The following GRIK2 variants were observed in gnomAD, a reference collection of about 807,000 sequenced individuals.
GRIK2 encodes glutamate receptor ionotropic, kainate 2.
In GRIK2, 32 loss-of-function variants were observed where a neutral mutation model predicts 100.3. That is an observed-to-expected ratio of 0.32 (90% CI 0.24 to 0.43). GRIK2 has a LOEUF of 0.43. GRIK2 is among the 20% of genes least tolerant of loss of function. The pLI, the probability that GRIK2 is intolerant of heterozygous loss-of-function variation, is 1.00. For missense variants in GRIK2, 843 were observed against 1,114.9 expected (o/e 0.76, Z 3.47); for synonymous variants, 417 against 389.4 (o/e 1.07, Z -0.83).
intron 2 of GRIK2, among the ~76,000 whole-genome samples, chr6:101,565,681 C>A (rs950711891): frequency 6.6e-6 from 1 of 151,580 alleles, no homozygotes; most frequent in Non-Finnish European, 1.5e-5. Context: ...TCAAATTCTA[C>A]CTGTGTCAGA....
At chr6:101,801,078 C>T (rs1438703686) in intron 8 of GRIK2, among the ~76,000 whole-genome samples, 1 of 151,920 alleles carries the variant, frequency 6.6e-6, no homozygotes, top group Admixed American at 6.6e-5. Context: ...ATATTTTCTT[C>T]TTTGTTTTGG....
intron 11 of GRIK2, among the ~76,000 whole-genome samples, chr6:101,882,979 TAAA>T (rs896388207): frequency 2.0e-5 from 3 of 152,006 alleles, no homozygotes; most frequent in African/African-American, 7.2e-5. Flanking sequence ...TAGCAAAAAT[TAAA>T]AATCATGCAC....
At chr6:101,822,249 C>T (rs1192587824) in intron 10 of GRIK2, among the ~76,000 whole-genome samples, 1 of 146,752 alleles carries the variant, frequency 6.8e-6, no homozygotes, top group Non-Finnish European at 1.5e-5. Context: ...CACACAAACA[C>T]ATACAACTTA....
In GRIK2 at chr6:101,795,095, G is replaced by A. The variant is rs368086376; in HGVS notation, c.952-4553G>A. Among the ~76,000 whole-genome samples the A allele has an allele frequency of 2.4e-4, 36 of 152,120 alleles. No individual in the cohort carries two copies. In the East Asian group the frequency reaches 6.8e-3, roughly 29 times the overall value. ...TTGTTTAGGCTGGCCTCAAACTCCT[G>A]ACTTCAGGTGATCCATCCACCTCGG... On this transcript the variant is annotated intron_variant, in intron 7 of 16. Coordinates refer to ENST00000369134, the MANE Select transcript of GRIK2 (RefSeq NM_021956.5).
chr6:101,781,441 G>T (rs1484536078), intron 7 of GRIK2, among the ~76,000 whole-genome samples: 1 of 152,082 alleles, frequency 6.6e-6, no homozygotes, highest in African/African-American at 2.4e-5. Flanking sequence ...GTATTTGGGG[G>T]TATACTATCA....
intron 2 of GRIK2, among the ~76,000 whole-genome samples, chr6:101,509,226 AAT>A (rs942160125): frequency 1.3e-5 from 2 of 151,864 alleles, no homozygotes; most frequent in Non-Finnish European, 1.5e-5. Flanking sequence ...TAAATTTTAT[AAT>A]GTACACAGAC....
chr6:101,596,324 A>G (rs1041879024), intron 2 of GRIK2, among the ~76,000 whole-genome samples: 1 of 150,762 alleles, frequency 6.6e-6, no homozygotes, highest in South Asian at 2.1e-4. Flanking sequence ...GCTAACAACC[A>G]TCACCTAGAA....
chr6:101,499,131 T>C (rs958404610), intron 2 of GRIK2, among the ~76,000 whole-genome samples: 4 of 152,166 alleles, frequency 2.6e-5, no homozygotes, highest in Admixed American at 2.0e-4. Context: ...TAATTCAAGA[T>C]GGATTAAAGA....
chr6:101,818,535 G>A lies in GRIK2; in HGVS notation c.1317+52G>A, dbSNP rs531702161. The stretch of plus-strand genomic sequence containing the variant: ...TAGTTAAATGTAGATGAACACAGAA[G>A]TGCATAGAAAAGGACATTATAATTG... On this transcript the variant is annotated intron_variant, in intron 10 of 16. Coordinates refer to ENST00000369134, the MANE Select transcript of GRIK2 (RefSeq NM_021956.5). The A allele has an allele frequency of 3.0e-5, 29 of 973,138 alleles. No homozygotes were observed. The East Asian group carries it at 6.4e-4, about 22-fold the overall frequency. The allele number at this position is 973,138 out of a possible 1,614,324, so 60.3% of individuals were successfully genotyped here. A position where few individuals can be genotyped will look rare whatever the true frequency, so the allele number is the denominator to read the frequency against.
chr6:101,834,847 TAA>T (rs924049388), intron 10 of GRIK2, among the ~76,000 whole-genome samples: 1 of 150,326 alleles, frequency 6.7e-6, no homozygotes, highest in Non-Finnish European at 1.5e-5. Flanking sequence ...AATAATAAAA[TAA>T]AAAAAAATAG....
At chr6:101,442,342 C>T (rs955832104) in intron 2 of GRIK2, among the ~76,000 whole-genome samples, 2 of 152,216 alleles carry the variant, frequency 1.3e-5, no homozygotes, top group Middle Eastern at 6.8e-3. Flanking sequence ...CCTGTTGAAT[C>T]CCAGGTTACC....
chr6:101,693,110 C>A (rs6942125), intron 7 of GRIK2, among the ~76,000 whole-genome samples: 1 of 151,944 alleles, frequency 6.6e-6, no homozygotes, highest in Non-Finnish European at 1.5e-5. Flanking sequence ...TTTTCTCATC[C>A]ACAGATTAAA....
chr6:101,858,379 TTTTTTTC>T (rs1431272465), intron 10 of GRIK2, among the ~76,000 whole-genome samples: 2 of 147,346 alleles, frequency 1.4e-5, no homozygotes, highest in Non-Finnish European at 3.0e-5. Flanking sequence ...TCTCTCTATT[TTTTTTTC>T]TTTTTTTTTT....
At chr6:101,490,487 C>T (rs1411948353) in intron 2 of GRIK2, among the ~76,000 whole-genome samples, 1 of 146,120 alleles carries the variant, frequency 6.8e-6, no homozygotes, top group East Asian at 1.9e-4. Context: ...TCAAAGGAGG[C>T]AGAGGTGGTT....
chr6:101,626,724 G>A, intron 4 of GRIK2, 87 bp downstream of exon 4: 1 of 1,209,308 alleles, frequency 8.3e-7, no homozygotes, highest in Admixed American at 2.4e-5. Context: ...GTATTCTTAT[G>A]TGCTTTATTT....
chr6:102,032,499 A>G (rs755332179), intron 14 of GRIK2, among the ~76,000 whole-genome samples: 2 of 151,118 alleles, frequency 1.3e-5, no homozygotes, highest in Non-Finnish European at 3.0e-5. Context: ...GGAAGGCTTC[A>G]GGTCACCTTC....
intron 10 of GRIK2, among the ~76,000 whole-genome samples, chr6:101,844,791 G>A (rs1253527823): frequency 2.6e-5 from 4 of 151,974 alleles, no homozygotes; most frequent in Admixed American, 1.3e-4. Flanking sequence ...AGTTCAGAGG[G>A]CTAGATACAT....
intron 7 of GRIK2, among the ~76,000 whole-genome samples, chr6:101,704,534 TATTC>T (rs1773120705): frequency 1.3e-5 from 2 of 151,872 alleles, no homozygotes; most frequent in Admixed American, 1.3e-4. Context: ...ACCATACTAT[TATTC>T]ATTATGTTTT....
At chr6:101,784,159 C>T (rs1050249379) in intron 7 of GRIK2, among the ~76,000 whole-genome samples, 10 of 152,232 alleles carry the variant, frequency 6.6e-5, no homozygotes, top group African/African-American at 2.4e-4. Flanking sequence ...TTCACAGCAG[C>T]TCCTTCCATC....
Sources: gnomAD v4.1 joint callset for allele counts (sites outside exome capture counted in the v4.1 genomes callset) on GRCh38, gnomAD v4.1.1 for gene constraint, MANE v1.5 for transcripts, NCBI Gene and HGNC (gene_info 2026-07-23, HGNC 2026-07-21) for gene names.